MCTP1: variants seen among roughly 807,000 people sequenced by gnomAD.
MCTP1 encodes the protein multiple C2 and transmembrane domain containing 1.
MCTP1 carries 69 observed loss-of-function variants against 120.6 expected under a neutral mutation model. The observed-to-expected ratio is 0.57, with a 90% confidence interval of 0.47 to 0.70. The LOEUF (loss-of-function observed/expected upper bound fraction) is 0.70. Among genes scored for constraint, MCTP1 ranks in the 30% least tolerant of loss-of-function variants. The pLI, the probability that MCTP1 is intolerant of heterozygous loss-of-function variation, is 0.00. For missense variants in MCTP1, 1,203 were observed against 1,248.8 expected (o/e 0.96, Z 0.55); for synonymous variants, 529 against 493.1 (o/e 1.07, Z -0.96).
At chr5:95,089,241 A>G (rs1202103231) in intron 1 of MCTP1, among the ~76,000 whole-genome samples, 1 of 152,156 alleles carries the variant, frequency 6.6e-6, no homozygotes, top group Non-Finnish European at 1.5e-5. Context: ...AAATGAAAGG[A>G]GACTTTTTTA....
chr5:95,036,853 C>A (rs1412100468), intron 1 of MCTP1, among the ~76,000 whole-genome samples: 1 of 152,138 alleles, frequency 6.6e-6, no homozygotes, highest in African/African-American at 2.4e-5. Flanking sequence ...CAATTTCCAA[C>A]CTCGCACACT....
At chr5:94,952,171 C>CAAAAAAAAAAAA (rs57358026) in intron 3 of MCTP1, among the ~76,000 whole-genome samples, 8,938 of 87,208 alleles carry the variant, frequency 0.1, 1,505 homozygotes, top group Non-Finnish European at 0.12. Context: ...GACTTTGTCG[C>CAAAAAAAAAAAA]AAAAAAAAAA....
intron 1 of MCTP1, among the ~76,000 whole-genome samples, chr5:95,212,953 C>A (rs899791495): frequency 2.6e-5 from 4 of 152,138 alleles, no homozygotes; most frequent in Non-Finnish European, 4.4e-5. Flanking sequence ...AAAACCGGCA[C>A]AAGACAGGGA....
chr5:94,948,914 A>G (rs967449929), intron 3 of MCTP1, among the ~76,000 whole-genome samples: 9 of 152,296 alleles, frequency 5.9e-5, no homozygotes, highest in Middle Eastern at 3.4e-3. Context: ...ACAGGACAGT[A>G]ATATGGTCCT....
intron 1 of MCTP1, among the ~76,000 whole-genome samples, chr5:95,087,400 G>A (rs374715239): frequency 1.8e-4 from 28 of 152,186 alleles, no homozygotes; most frequent in Non-Finnish European, 3.7e-4. Context: ...GCTGATCAGC[G>A]TCTTGGACCT....
At chr5:94,870,816 A>G (rs1797716032) in intron 15 of MCTP1, 56 bp downstream of exon 15, 3 of 1,172,726 alleles carry the variant, frequency 2.6e-6, no homozygotes. Flanking sequence ...CAGGAACAAA[A>G]GCTTTCATGA....
chr5:94,947,951 T>C (rs1181103978), intron 3 of MCTP1, among the ~76,000 whole-genome samples: 1 of 152,008 alleles, frequency 6.6e-6, no homozygotes, highest in Non-Finnish European at 1.5e-5. Context: ...TTTAAAGGCC[T>C]AACCCATCTC....
chr5:95,051,080 T>C (rs372953139), intron 1 of MCTP1, among the ~76,000 whole-genome samples: 209 of 152,278 alleles, frequency 1.4e-3, no homozygotes, highest in African/African-American at 4.7e-3. Context: ...GCTTCCAAAC[T>C]GTGAGCCAAT....
chr5:94,737,171 T>G (rs543351494), intron 19 of MCTP1, among the ~76,000 whole-genome samples: 460 of 152,114 alleles, frequency 3.0e-3, no homozygotes, highest in African/African-American at 0.011. Context: ...AATTTTTTTG[T>G]AGAGAAAGAA....
chr5:94,819,869 G>C (rs1209271711), intron 17 of MCTP1, among the ~76,000 whole-genome samples: 4 of 152,116 alleles, frequency 2.6e-5, no homozygotes, highest in African/African-American at 9.7e-5. Flanking sequence ...TTTCAAGATG[G>C]GCAGAAATTC....
chr5:94,863,033 G>C (rs945957186), intron 17 of MCTP1, among the ~76,000 whole-genome samples: 1 of 151,808 alleles, frequency 6.6e-6, no homozygotes, highest in Non-Finnish European at 1.5e-5. Flanking sequence ...GCACATTTGT[G>C]AGAAAATGTT....
chr5:95,036,452 T>A (rs1022408901), intron 1 of MCTP1, among the ~76,000 whole-genome samples: 3 of 152,194 alleles, frequency 2.0e-5, no homozygotes, highest in Admixed American at 6.5e-5. Context: ...ACAGCTCTTA[T>A]GAAACCGAAA....
chr5:95,256,565 G>GT (rs1473922049), intron 1 of MCTP1, among the ~76,000 whole-genome samples: 1 of 152,196 alleles, frequency 6.6e-6, no homozygotes, highest in East Asian at 1.9e-4. Flanking sequence ...ACGTCCTGCT[G>GT]TTGCCAAACC....
chr5:94,885,772 T>C (rs1273242752), intron 12 of MCTP1, among the ~76,000 whole-genome samples: 1 of 152,154 alleles, frequency 6.6e-6, no homozygotes, highest in Non-Finnish European at 1.5e-5. Flanking sequence ...GGTAAGTAAG[T>C]TGTACTGAGA....
intron 1 of MCTP1, among the ~76,000 whole-genome samples, chr5:95,184,053 T>C (rs1175249523): frequency 6.6e-6 from 1 of 152,094 alleles, no homozygotes; most frequent in Non-Finnish European, 1.5e-5. Flanking sequence ...AAATACTTAA[T>C]GTGGATGATG....
intron 1 of MCTP1, among the ~76,000 whole-genome samples, chr5:95,217,998 C>T (rs373484869): frequency 1.2e-4 from 19 of 152,262 alleles, no homozygotes; most frequent in South Asian, 4.2e-4. Context: ...AGAGATATGA[C>T]GTATTGTCCA....
At chr5:95,217,335 T>C (rs1255627114) in intron 1 of MCTP1, among the ~76,000 whole-genome samples, 1 of 152,204 alleles carries the variant, frequency 6.6e-6, no homozygotes, top group Non-Finnish European at 1.5e-5. Flanking sequence ...CATTTCTAAA[T>C]TTAGAAGGGT....
chr5:94,873,070 T>A lies in MCTP1; in HGVS notation c.2036+69A>T, dbSNP rs569559745. On this transcript the variant is annotated intron_variant, in intron 13 of 22. Coordinates refer to ENST00000515393, the MANE Select transcript of MCTP1 (RefSeq NM_024717.7). ...TAAGAATAAACACACACATTTTTTTTAAAACCCTCAAAAATAAATCAAATT... is the reference window on the plus strand; with the variant it reads ...TAAGAATAAACACACACATTTTTTTAAAAACCCTCAAAAATAAATCAAATT... 3.6e-4 allele frequency: 325 copies of A among 913,036 alleles called. 3 individuals carry two copies. The East Asian group carries it at 7.9e-3, about 22-fold the overall frequency. The allele number at this position is 913,036 out of a possible 1,614,324, so 56.6% of individuals were successfully genotyped here.
chr5:95,117,462 G>A (rs978043366), intron 1 of MCTP1, among the ~76,000 whole-genome samples: 3 of 147,998 alleles, frequency 2.0e-5, no homozygotes, highest in South Asian at 4.3e-4. Context: ...AAACCACAAT[G>A]AGATACCATT....
Sources: allele counts gnomAD v4.1 joint callset (sites outside exome capture counted in the v4.1 genomes callset), GRCh38; gene constraint gnomAD v4.1.1; transcripts MANE v1.5; gene names NCBI Gene and HGNC (gene_info 2026-07-23, HGNC 2026-07-21).